PDE4B: variants seen among roughly 807,000 people sequenced by gnomAD.
PDE4B encodes the protein 3',5'-cyclic-AMP phosphodiesterase 4B.
In PDE4B, 20 loss-of-function variants were observed where a neutral mutation model predicts 82.2. The observed-to-expected ratio is 0.24, with a 90% CI of 0.17 to 0.35. PDE4B has a LOEUF of 0.35. Ranked by LOEUF, PDE4B falls within the 10% of genes least tolerant of loss-of-function variation. PDE4B has a pLI of 1.00. For missense variants in PDE4B, 655 were observed against 907.2 expected, an observed-to-expected ratio of 0.72 and a Z score of 3.57; for synonymous variants, 320 against 318.9, an observed-to-expected ratio of 1.00 and a Z score of -0.04.
chr1:66,200,320 G>A lies in PDE4B; in HGVS notation c.282-47140G>A, dbSNP rs1458684814. On this transcript the variant is annotated intron_variant, in intron 3 of 16. Transcript: ENST00000341517. ...GTTCTTTTGGCTTAGGATTGACTTG[G>A]CGATGAGGGCTCTTTTTTGGTTCCA... is the stretch of plus-strand genomic sequence containing the variant. 5.9e-5 allele frequency among the ~76,000 whole-genome samples: 9 copies of A among 152,262 alleles called. No individual in the cohort carries two copies. In the East Asian group the frequency reaches 9.6e-4, roughly 16 times the overall value.
intron 1 of PDE4B, among the ~76,000 whole-genome samples, chr1:65,862,517 T>C (rs887214694): frequency 2.2e-4 from 34 of 152,190 alleles, no homozygotes; most frequent in Admixed American, 4.6e-4. Context: ...TTTCTTTTTT[T>C]GTTGCGTTTC....
intron 3 of PDE4B, among the ~76,000 whole-genome samples, chr1:66,199,614 A>G (rs975071098): frequency 6.6e-6 from 1 of 152,104 alleles, no homozygotes; most frequent in African/African-American, 2.4e-5. Flanking sequence ...ATCCCTTTTC[A>G]GGTGCAGAAA....
At chr1:66,368,739 A>G in intron 15 of PDE4B, 48 bp from the exon 16 acceptor site, 1 of 1,397,366 alleles carries the variant, frequency 7.2e-7, no homozygotes, top group South Asian at 1.7e-5. Flanking sequence ...ATGTTCCGGC[A>G]GTATTTACAC....
At chr1:66,047,867 G>A (rs1252384408) in intron 3 of PDE4B, among the ~76,000 whole-genome samples, 1 of 151,964 alleles carries the variant, frequency 6.6e-6, no homozygotes, top group African/African-American at 2.4e-5. Context: ...GTCCTGACAA[G>A]GGAAGTGTTG....
At chr1:65,995,566 G>C (rs984223481) in intron 3 of PDE4B, among the ~76,000 whole-genome samples, 1 of 152,058 alleles carries the variant, frequency 6.6e-6, no homozygotes, top group Non-Finnish European at 1.5e-5. Context: ...TCTAAGACTC[G>C]TGAGAATAAT....
At chr1:66,212,867 A>C (rs1375561049) in intron 3 of PDE4B, among the ~76,000 whole-genome samples, 1 of 152,226 alleles carries the variant, frequency 6.6e-6, no homozygotes, top group Admixed American at 6.5e-5. Context: ...ACAATACAGC[A>C]ACGAGACCTC....
rs1645363253 is a variant in PDE4B at position 66,106,603 on chromosome 1, C to T, written c.282-140857C>T. ...TTGGTTGGTAAGCTATTGATTATTG[C>T]CACAATTTCAGAGCCTGTTATTGGT... On this transcript the variant is annotated intron_variant, in intron 3 of 16. Coordinates refer to ENST00000341517, the MANE Select transcript of PDE4B (RefSeq NM_002600.4). Among the ~76,000 whole-genome samples the T allele has an allele frequency of 2.6e-5, 4 of 151,444 alleles. No homozygotes were observed. The South Asian group carries it at 8.4e-4, about 32-fold the overall frequency.
intron 3 of PDE4B, among the ~76,000 whole-genome samples, chr1:66,238,686 C>T (rs1447049049): frequency 1.3e-5 from 2 of 149,076 alleles, no homozygotes; most frequent in Non-Finnish European, 3.0e-5. Context: ...GTTTGTACAA[C>T]TGAGTAGATG....
At chr1:65,970,217 C>CTT (rs34884275) in intron 3 of PDE4B, among the ~76,000 whole-genome samples, 1 of 143,488 alleles carries the variant, frequency 7.0e-6, no homozygotes, top group Non-Finnish European at 1.5e-5. Flanking sequence ...CAAATATTTT[C>CTT]TTTTTTTTTT....
At position 65,917,708 on chromosome 1, in the gene PDE4B, A is replaced by G. The variant is rs550335680; in HGVS notation, c.43-889A>G. ...ATGTCAGCATTAGGGCATGTACTTG[A>G]ACGTGGCAGTTCAAGACTGAATAAA... On this transcript the variant is annotated intron_variant, in intron 2 of 16. Transcript: ENST00000341517. Among the ~76,000 whole-genome samples, 222 of 152,338 alleles carry G rather than the reference A, an allele frequency of 1.5e-3. 2 individuals are homozygous for G. The highest frequency in any genetic ancestry group is 5.1e-3 in the African/African-American group (210 of 41,582).
At chr1:66,059,671 A>G (rs920713224) in intron 3 of PDE4B, among the ~76,000 whole-genome samples, 1 of 152,192 alleles carries the variant, frequency 6.6e-6, no homozygotes, top group Non-Finnish European at 1.5e-5. Context: ...AGAATAACGC[A>G]GAAAAGACCT....
At chr1:65,917,776 A>G (rs1321191069) in intron 2 of PDE4B, among the ~76,000 whole-genome samples, 4 of 152,204 alleles carry the variant, frequency 2.6e-5, no homozygotes, top group African/African-American at 4.8e-5. Flanking sequence ...TGAAAAAAAA[A>G]TCTCCAATTG....
chr1:65,924,424 T>A (rs1387553606), intron 3 of PDE4B, among the ~76,000 whole-genome samples: 2 of 152,158 alleles, frequency 1.3e-5, no homozygotes, highest in South Asian at 2.1e-4. Flanking sequence ...CCTATTATAT[T>A]TTTTTAATTT....
At chr1:66,139,692 G>A (rs1646128870) in intron 3 of PDE4B, among the ~76,000 whole-genome samples, 3 of 142,398 alleles carry the variant, frequency 2.1e-5, no homozygotes, top group South Asian at 4.3e-4. Context: ...AAACAAGGGA[G>A]CATTACTCAG....
chr1:65,952,206 GT>G (rs1169042203), intron 3 of PDE4B, among the ~76,000 whole-genome samples: 1 of 151,998 alleles, frequency 6.6e-6, no homozygotes, highest in African/African-American at 2.4e-5. Flanking sequence ...GAGAACCATT[GT>G]CCTAGGGAAT....
chr1:66,306,411 C>T (rs976610240), intron 7 of PDE4B, among the ~76,000 whole-genome samples: 2 of 152,044 alleles, frequency 1.3e-5, no homozygotes, highest in African/African-American at 2.4e-5. Flanking sequence ...GAAGACTCAA[C>T]TCTAATTTAT....
rs115627984 is a variant in PDE4B, at chr1:65,921,711, C to A, written c.281+2876C>A. Among the ~76,000 whole-genome samples the A allele has an allele frequency of 9.4e-3, 1,433 of 152,306 alleles. 25 individuals are homozygous for A. The highest frequency in any genetic ancestry group is 0.033 in the African/African-American group (1,360 of 41,560). On this transcript the variant is annotated intron_variant, in intron 3 of 16. Coordinates refer to ENST00000341517, the MANE Select transcript of PDE4B (RefSeq NM_002600.4). The stretch of plus-strand genomic sequence containing the variant: ...ATAAAACTTTGTTTACAAAAACAAG[C>A]AGCAGGCTGGATTTGGCCTGCCAGA...
rs371080861 is a variant in PDE4B, at chr1:66,244,747, C to G, written c.282-2713C>G. On this transcript the variant is annotated intron_variant, in intron 3 of 16. Transcript: ENST00000341517. The stretch of plus-strand genomic sequence containing the variant: ...TGCTTCTTTGCATCAGAGACTTCTT[C>G]CCTGGCTTCGTTTAAATTCCAGCAA... Among the ~76,000 whole-genome samples, 14 of 152,294 alleles carry G rather than the reference C, an allele frequency of 9.2e-5. No individual in the cohort carries two copies. In the East Asian group the frequency reaches 1.7e-3, roughly 19 times the overall value.
intron 3 of PDE4B, among the ~76,000 whole-genome samples, chr1:65,985,467 A>T (rs1650909187): frequency 6.6e-6 from 1 of 152,196 alleles, no homozygotes; most frequent in South Asian, 2.1e-4. Context: ...ACAAAGTAGG[A>T]AATAATAAAA....
Sources: allele counts gnomAD v4.1 joint callset (sites outside exome capture counted in the v4.1 genomes callset), GRCh38; gene constraint gnomAD v4.1.1; transcripts MANE v1.5; gene names NCBI Gene and HGNC (gene_info 2026-07-23, HGNC 2026-07-21).